The following SORD variants were observed in gnomAD, a reference collection of about 807,000 sequenced individuals.
The protein encoded by SORD is sorbitol dehydrogenase.
SORD carries 18 observed loss-of-function variants against 35.6 expected under a neutral mutation model. The observed-to-expected ratio is 0.51, with a 90% CI of 0.35 to 0.75. The LOEUF is 0.75. Ranked by LOEUF, SORD falls within the 30% of genes least tolerant of loss-of-function variation. The pLI is 0.01. For synonymous variants in SORD, 106 were observed against 152.9 expected (o/e 0.69, Z 2.26); for missense variants, 250 against 390.2 (o/e 0.64, Z 3.03).
chr15:45,043,243 CTTTCT>C lies in SORD; in HGVS notation c.101-10_101-6del, dbSNP rs1276648810. 2 of 665,354 alleles carry C rather than the reference CTTTCT, an allele frequency of 3.0e-6. No individual in the cohort carries two copies. 41.2% of individuals were successfully genotyped at this position (665,354 alleles called of 1,614,324 possible). ...TCCCTCTCTCACTGTTTTTTTCTTC[CTTTCT>C]TTTATCAGAGGTCTTGCTGAGGATG... is the stretch of plus-strand genomic sequence containing the variant. On this transcript the variant is annotated splice_polypyrimidine_tract_variant and intron_variant, in intron 2 of 8. Coordinates refer to ENST00000267814, the MANE Select transcript of SORD (RefSeq NM_003104.6).
At chr15:45,023,566 G>A (rs1223585272) in intron 1 of SORD, among the ~76,000 whole-genome samples, 1 of 152,228 alleles carries the variant, frequency 6.6e-6, no homozygotes, top group Non-Finnish European at 1.5e-5. Flanking sequence ...CCGGAACCTA[G>A]CCCCGTGGCT....
intron 5 of SORD, among the ~76,000 whole-genome samples, chr15:45,065,607 T>G (rs1893391490): frequency 6.6e-6 from 1 of 152,226 alleles, no homozygotes; most frequent in Admixed American, 6.5e-5. Flanking sequence ...CTAGGCAACA[T>G]AGCCCTTTTT....
At chr15:45,068,432 A>G (rs974337683) in intron 6 of SORD, among the ~76,000 whole-genome samples, 186 bp downstream of exon 6, 1 of 149,708 alleles carries the variant, frequency 6.7e-6, no homozygotes, top group African/African-American at 2.5e-5. Context: ...AGAGAGAGAG[A>G]GAGTTTGTGT....
intron 1 of SORD, among the ~76,000 whole-genome samples, chr15:45,024,791 C>T (rs1268253651): frequency 1.3e-5 from 2 of 152,074 alleles, no homozygotes; most frequent in African/African-American, 2.4e-5. Context: ...AGGACACAGC[C>T]CCTGCTCCCA....
chr15:45,024,099 C>T (rs1892633518), intron 1 of SORD, among the ~76,000 whole-genome samples: 1 of 152,196 alleles, frequency 6.6e-6, no homozygotes, highest in African/African-American at 2.4e-5. Flanking sequence ...CTGCCTTTTG[C>T]TCCCTGGCTT....
intron 8 of SORD, among the ~76,000 whole-genome samples, chr15:45,072,874 C>T (rs1893534668): frequency 7.1e-6 from 1 of 140,046 alleles, no homozygotes; most frequent in Non-Finnish European, 1.5e-5. Context: ...TTTGCCCCAC[C>T]CATGTTCTGC....
At chr15:45,034,938 G>A (rs1028503399) in intron 1 of SORD, among the ~76,000 whole-genome samples, 1 of 152,206 alleles carries the variant, frequency 6.6e-6, no homozygotes, top group Non-Finnish European at 1.5e-5. Flanking sequence ...GCAGCCGGCC[G>A]GCCCTGCGGT....
chr15:45,059,427 A>G (rs1455661155), intron 3 of SORD, among the ~76,000 whole-genome samples: 3 of 152,136 alleles, frequency 2.0e-5, no homozygotes, highest in Admixed American at 6.5e-5. Flanking sequence ...TTTTCCATCA[A>G]TAAGAGAATG....
chr15:45,051,677 A>G (rs990679735), intron 3 of SORD, among the ~76,000 whole-genome samples: 3 of 152,214 alleles, frequency 2.0e-5, no homozygotes, highest in African/African-American at 7.2e-5. Flanking sequence ...CAAGAGGAGA[A>G]AGCCAAATTT....
At chr15:45,038,455 A>G (rs1238205029) in intron 1 of SORD, among the ~76,000 whole-genome samples, 15 of 152,232 alleles carry the variant, frequency 9.9e-5, no homozygotes, top group Non-Finnish European at 1.8e-4. Context: ...CTAGGCAGCA[A>G]TAACATTAAA....
Position 45,023,344 on chromosome 15 carries a change from C to G in SORD, c.61C>G (p.Arg21Gly). 6.3e-7 allele frequency: 1 copy of G among 1,576,064 alleles called. No homozygotes were observed. Among genetic ancestry groups the G allele is most frequent in the South Asian group, 1.2e-5 (1 of 85,634 alleles). ...GGTGGTGCACGGACCGGGGGACTTG[C>G]GCCTGGTAAGCTGGGAAGGAGGGTG... ...SLVVHGPGDLRLENYPIPEPG... is the reference protein window; with the variant it reads ...SLVVHGPGDLGLENYPIPEPG... Residue 21 changes from arginine to glycine, a missense_variant, in exon 1 of 9, where the codon CGC (arginine) becomes GGC (glycine). Transcript: ENST00000267814.
intron 3 of SORD, among the ~76,000 whole-genome samples, chr15:45,052,650 T>C (rs2467844): frequency 0.97 from 147,506 of 152,266 alleles, 71,518 homozygotes; most frequent in Non-Finnish European, 0.99. Context: ...AATTGTCTCA[T>C]AGAGTAACTG....
chr15:45,044,864 AT>A (rs1340988062), intron 3 of SORD, among the ~76,000 whole-genome samples: 2 of 151,804 alleles, frequency 1.3e-5, no homozygotes, highest in East Asian at 3.9e-4. Context: ...TGCCTGGCTA[AT>A]TTTTGTATTT....
chr15:45,036,130 A>C (rs2141266547), intron 1 of SORD: 1 of 297,654 alleles, frequency 3.4e-6, no homozygotes, highest in South Asian at 2.7e-5. Flanking sequence ...CAGAAGGAAG[A>C]AACTCCGAAC....
At chr15:45,060,995 G>T (rs776652030) in intron 3 of SORD, 72 bp from the exon 4 acceptor site, 71 of 1,597,468 alleles carry the variant, frequency 4.4e-5, no homozygotes, top group Admixed American at 8.7e-5. Context: ...GGAAAACAAA[G>T]AACCAGACCA....
chr15:45,038,171 C>CCTTG (rs1892903565), intron 1 of SORD, among the ~76,000 whole-genome samples: 1 of 144,326 alleles, frequency 6.9e-6, no homozygotes, highest in African/African-American at 2.8e-5. Context: ...TTCCTTCCTT[C>CCTTG]CTTCCTTCCT....
At chr15:45,072,542 G>A (rs1207060138) in intron 8 of SORD, 104 bp downstream of exon 8, 1 of 440,312 alleles carries the variant, frequency 2.3e-6, no homozygotes, top group Non-Finnish European at 4.3e-6. Flanking sequence ...TGTTCATGGG[G>A]GGCACTCCCT....
At chr15:45,031,042 CG>C (rs1892774468) in intron 1 of SORD, among the ~76,000 whole-genome samples, 1 of 152,020 alleles carries the variant, frequency 6.6e-6, no homozygotes, top group Non-Finnish European at 1.5e-5. Flanking sequence ...TAGGGGAGGT[CG>C]GGGCAGCCAT....
chr15:45,063,562 C>T (rs2082990), intron 4 of SORD, among the ~76,000 whole-genome samples: 141,964 of 147,572 alleles, frequency 0.96, 68,190 homozygotes, highest in Middle Eastern at 1. Flanking sequence ...CTTTCCAACA[C>T]GGTTGGCTGT....
Sources: gnomAD v4.1 joint callset for allele counts (sites outside exome capture counted in the v4.1 genomes callset) on GRCh38, gnomAD v4.1.1 for gene constraint, MANE v1.5 for transcripts, NCBI Gene and HGNC (gene_info 2026-07-23, HGNC 2026-07-21) for gene names.